Variants in CSMD1 observed in about 807,000 individuals in gnomAD.
CSMD1 encodes CUB and sushi domain-containing protein 1.
A neutral mutation model predicts 417.5 loss-of-function variants in CSMD1; 213 were observed. The observed-to-expected ratio is 0.51, with a 90% CI of 0.46 to 0.57. The LOEUF (loss-of-function observed/expected upper bound fraction) is 0.57, where lower values mean the gene tolerates loss of function less well. Among genes scored for constraint, CSMD1 ranks in the 20% least tolerant of loss-of-function variants. The pLI, the probability that CSMD1 is intolerant of heterozygous loss-of-function variation, is 0.00. For synonymous variants in CSMD1, 2,862 were observed against 1,736.8 expected (o/e 1.65, Z -16.11); for missense variants, 6,923 against 4,529.7 (o/e 1.53, Z -15.17).
At chr8:4,234,789 G>C (rs568433652) in intron 3 of CSMD1, among the ~76,000 whole-genome samples, 1 of 152,150 alleles carries the variant, frequency 6.6e-6, no homozygotes, top group Non-Finnish European at 1.5e-5. Flanking sequence ...CTTGCCCCCA[G>C]ATAATCATGA....
At chr8:3,050,421 A>T (rs1585228921) in intron 50 of CSMD1, among the ~76,000 whole-genome samples, 1 of 152,212 alleles carries the variant, frequency 6.6e-6, no homozygotes, top group Non-Finnish European at 1.5e-5. Flanking sequence ...TGGAGGCATC[A>T]TTATGAATGA....
intron 3 of CSMD1, among the ~76,000 whole-genome samples, chr8:4,387,332 G>C (rs1803518638): frequency 6.6e-6 from 1 of 151,864 alleles, no homozygotes; most frequent in African/African-American, 2.4e-5. Flanking sequence ...TTTACCGTAA[G>C]TGACAAATGA....
At chr8:3,505,687 T>G (rs1315375949) in intron 10 of CSMD1, among the ~76,000 whole-genome samples, 1 of 152,138 alleles carries the variant, frequency 6.6e-6, no homozygotes, top group African/African-American at 2.4e-5. Context: ...ACCGTAGAGG[T>G]ACTGGACCAA....
Position 3,834,813 on chromosome 8 carries a change from A to T in CSMD1, c.819-80771T>A, listed in dbSNP as rs374075550. On this transcript the variant is annotated intron_variant, in intron 5 of 69. Transcript: ENST00000635120. ...AAATGGGAGAAAATTTTCACAACCT[A>T]CTCATCTGACAAAGGGCTAATATCC... Among the ~76,000 whole-genome samples the T allele has an allele frequency of 3.4e-4, 52 of 151,992 alleles. No homozygotes were observed. In the East Asian group the frequency reaches 8.2e-3, roughly 24 times the overall value.
intron 2 of CSMD1, among the ~76,000 whole-genome samples, chr8:4,615,990 T>C (rs149964578): frequency 5.9e-5 from 9 of 152,284 alleles, no homozygotes; most frequent in African/African-American, 1.9e-4. Context: ...AAAAACCACA[T>C]CACCTTTTCG....
intron 26 of CSMD1, among the ~76,000 whole-genome samples, chr8:3,239,264 C>T (rs1368051041): frequency 6.6e-6 from 1 of 152,036 alleles, no homozygotes; most frequent in Non-Finnish European, 1.5e-5. Context: ...AAATGCTTGG[C>T]TGATTTGACT....
At chr8:2,985,647 C>G (rs1242472075) in intron 54 of CSMD1, among the ~76,000 whole-genome samples, 5 of 152,138 alleles carry the variant, frequency 3.3e-5, no homozygotes, top group Non-Finnish European at 5.9e-5. Flanking sequence ...GGGCACTGTT[C>G]AAACAAACAT....
chr8:4,660,339 T>A (rs1348925134), intron 1 of CSMD1, among the ~76,000 whole-genome samples: 1 of 150,800 alleles, frequency 6.6e-6, no homozygotes, highest in African/African-American at 2.5e-5. Context: ...GGTGTAAATC[T>A]AGCAAAACAC....
intron 3 of CSMD1, among the ~76,000 whole-genome samples, chr8:4,241,476 A>G (rs1005526299): frequency 2.0e-5 from 3 of 152,188 alleles, no homozygotes; most frequent in African/African-American, 7.2e-5. Context: ...AAGTCGCTTC[A>G]TGCAGTGAGG....
chr8:3,220,580 C>T (rs924154063), intron 28 of CSMD1, among the ~76,000 whole-genome samples: 44 of 152,338 alleles, frequency 2.9e-4, no homozygotes, highest in Middle Eastern at 3.4e-3. Context: ...AGCCTGTAAT[C>T]CCAGCACTTT....
intron 4 of CSMD1, among the ~76,000 whole-genome samples, chr8:4,012,026 GAA>G: frequency 1.0e-5 from 1 of 97,146 alleles, no homozygotes; most frequent in East Asian, 3.2e-4. Flanking sequence ...TAATGACAAG[GAA>G]AAAAAAAGTC....
chr8:3,021,962 C>A (rs975898851), intron 51 of CSMD1, among the ~76,000 whole-genome samples: 2 of 150,264 alleles, frequency 1.3e-5, no homozygotes, highest in Non-Finnish European at 2.9e-5. Flanking sequence ...CCCACAGCAT[C>A]TGGAATGCAC....
At chr8:3,997,384 T>A (rs1281227685) in intron 5 of CSMD1, among the ~76,000 whole-genome samples, 1 of 151,840 alleles carries the variant, frequency 6.6e-6, no homozygotes, top group Non-Finnish European at 1.5e-5. Flanking sequence ...ATTTTATACA[T>A]ATAGTGGACT....
At position 4,147,698 on chromosome 8, in the gene CSMD1, A is replaced by G. The variant is rs1033988288; in HGVS notation, c.416-115599T>C. ...ATTCTTTGAAATATCTGACATCACC[A>G]TGGTCAGGTTTCAGATGCAGACACT... On this transcript the variant is annotated intron_variant, in intron 3 of 69. Transcript: ENST00000635120. Among the ~76,000 whole-genome samples, 6 of 152,070 alleles carry G rather than the reference A, an allele frequency of 3.9e-5. No homozygotes were observed. In the South Asian group the frequency reaches 6.2e-4, roughly 16 times the overall value.
intron 25 of CSMD1, among the ~76,000 whole-genome samples, chr8:3,285,003 G>A (rs1269852861): frequency 6.6e-6 from 1 of 152,056 alleles, no homozygotes; most frequent in Non-Finnish European, 1.5e-5. Flanking sequence ...AAATCTCTAT[G>A]CCTAAGGACT....
chr8:4,142,496 G>A (rs556423144), intron 3 of CSMD1, among the ~76,000 whole-genome samples: 8 of 151,284 alleles, frequency 5.3e-5, no homozygotes, highest in East Asian at 3.9e-4. Context: ...TCACAAGCTC[G>A]TGAAAAAGGA....
chr8:4,385,454 T>A (rs1803385118), intron 3 of CSMD1, among the ~76,000 whole-genome samples: 1 of 152,172 alleles, frequency 6.6e-6, no homozygotes, highest in African/African-American at 2.4e-5. Context: ...CTTTTCTTAG[T>A]TTTATTTTTA....
intron 1 of CSMD1, among the ~76,000 whole-genome samples, chr8:4,680,597 T>C (rs183682190): frequency 6.6e-6 from 1 of 152,162 alleles, no homozygotes; most frequent in African/African-American, 2.4e-5. Flanking sequence ...GTGTTTGTTT[T>C]TGTGACAGAG....
chr8:4,716,013 G>A (rs1453967431), intron 1 of CSMD1, among the ~76,000 whole-genome samples: 1 of 152,162 alleles, frequency 6.6e-6, no homozygotes, highest in African/African-American at 2.4e-5. Context: ...AAAGAGCACA[G>A]GGGCCAGGGC....
Sources: allele counts gnomAD v4.1 joint callset (sites outside exome capture counted in the v4.1 genomes callset), GRCh38; gene constraint gnomAD v4.1.1; transcripts MANE v1.5; gene names NCBI Gene and HGNC (gene_info 2026-07-23, HGNC 2026-07-21).